Variants in SHC3 observed in about 807,000 individuals in gnomAD.
SHC3 encodes the protein SHC adaptor protein 3.
A neutral mutation model predicts 60.4 loss-of-function variants in SHC3; 15 were observed. The ratio of observed to expected loss-of-function variants is 0.25; its 90% CI spans 0.17 to 0.38. The LOEUF is 0.38. Among genes scored for constraint, SHC3 ranks in the 10% least tolerant of loss-of-function variants. The pLI, the probability that SHC3 is intolerant of heterozygous loss-of-function variation, is 1.00. For synonymous variants in SHC3, 294 were observed against 325.9 expected (o/e 0.90, Z 1.05); for missense variants, 677 against 786.1 (o/e 0.86, Z 1.66).
intron 7 of SHC3, among the ~76,000 whole-genome samples, chr9:89,049,038 G>C (rs949907429): frequency 3.9e-5 from 6 of 152,312 alleles, no homozygotes; most frequent in Admixed American, 1.3e-4. Flanking sequence ...GAGAGGGGCG[G>C]ATCACGAGGT....
chr9:89,037,986 T>G lies in SHC3; in HGVS notation c.1656+7A>C, dbSNP rs760328967. The G allele has an allele frequency of 1.5e-4, 238 of 1,603,102 alleles. No homozygotes were observed. Among genetic ancestry groups the G allele is most frequent in the Non-Finnish European group, 1.9e-4 (220 of 1,179,084 alleles). On this transcript the variant is annotated splice_region_variant and intron_variant, in intron 11 of 11. Transcript: ENST00000375835. ...CAGGTCCGGCCCCACCCCCACTGGG[T>G]GCTCACCGTGCCTTCTGGGTCCACG... is the stretch of plus-strand genomic sequence containing the variant.
At position 89,039,146 on chromosome 9, in the gene SHC3, C is replaced by T. The variant is rs144970182; in HGVS notation, c.1361-858G>A. 3.7e-3 allele frequency among the ~76,000 whole-genome samples: 563 copies of T among 152,346 alleles called. 3 individuals carry two copies. Among genetic ancestry groups the T allele is most frequent in the African/African-American group, 0.013 (524 of 41,574 alleles). ...GTAGTGCGATGGTTATTTCAGACTA[C>T]GCTGTCTACCCATAAGCATACACAT... On this transcript the variant is annotated intron_variant, in intron 10 of 11. Transcript: ENST00000375835.
chr9:89,026,303 CT>C (rs1826301141), intron 11 of SHC3, among the ~76,000 whole-genome samples: 1 of 151,008 alleles, frequency 6.6e-6, no homozygotes, highest in African/African-American at 2.4e-5. Flanking sequence ...CATCTACAGT[CT>C]TTTCTCTCTG....
rs1448052627 is a variant in SHC3, at chr9:89,178,641, A to T, written c.-181T>A. On this transcript the variant is annotated 5_prime_UTR_variant, in exon 1 of 12. Coordinates refer to ENST00000375835, the MANE Select transcript of SHC3 (RefSeq NM_016848.6). The surrounding 1 kb of genome is among the most constrained non-coding windows in gnomAD (Gnocchi z 6.9). Reference sequence around the variant, plus strand: ...TGGTGCCCTCCCACCGTTAAAAGCCAGCACAGCGGCGGCCGCGCAGCCCCG... The same window carrying T: ...TGGTGCCCTCCCACCGTTAAAAGCCTGCACAGCGGCGGCCGCGCAGCCCCG... The T allele has an allele frequency of 2.0e-6, 1 of 491,366 alleles. No homozygotes were observed. The allele number at this position is 491,366 out of a possible 1,614,324, so 30.4% of individuals were successfully genotyped here.
At chr9:89,118,696 C>G (rs1286222167) in intron 1 of SHC3, among the ~76,000 whole-genome samples, 1 of 150,864 alleles carries the variant, frequency 6.6e-6, no homozygotes, top group East Asian at 1.9e-4. Context: ...CTTTCAGCAC[C>G]AAATACATGA....
At chr9:89,045,855 CA>C (rs1824764044) in intron 8 of SHC3, 22 bp from the exon 9 acceptor site, 2 of 1,606,532 alleles carry the variant, frequency 1.2e-6, no homozygotes, top group Admixed American at 1.7e-5. Flanking sequence ...TGTAAATACA[CA>C]GAATGAAAAA....
chr9:89,079,106 A>T (rs2118021047), intron 2 of SHC3, among the ~76,000 whole-genome samples: 1 of 152,350 alleles, frequency 6.6e-6, no homozygotes, highest in African/African-American at 2.4e-5. Flanking sequence ...ATGCCAGGAA[A>T]ACCGTAGGCA....
At chr9:89,103,808 T>C (rs530568327) in intron 2 of SHC3, among the ~76,000 whole-genome samples, 2 of 152,296 alleles carry the variant, frequency 1.3e-5, no homozygotes, top group South Asian at 2.1e-4. Flanking sequence ...ACTTAAGTCA[T>C]GTGCACAAGG....
chr9:89,058,186 T>C (rs1039891748), intron 6 of SHC3, among the ~76,000 whole-genome samples: 5 of 152,252 alleles, frequency 3.3e-5, no homozygotes, highest in African/African-American at 1.2e-4. Flanking sequence ...AGGAAGACAA[T>C]GTAAAACAAA....
intron 1 of SHC3, among the ~76,000 whole-genome samples, chr9:89,150,021 C>A (rs1826523251): frequency 6.6e-6 from 1 of 152,084 alleles, no homozygotes; most frequent in African/African-American, 2.4e-5. Context: ...GTTCAAGGAA[C>A]CCTTATTTTA....
intron 1 of SHC3, among the ~76,000 whole-genome samples, chr9:89,120,927 A>G (rs1826083767): frequency 6.6e-6 from 1 of 151,844 alleles, no homozygotes; most frequent in African/African-American, 2.4e-5. Flanking sequence ...AATTATTTAA[A>G]AGAAATTTAT....
intron 2 of SHC3, among the ~76,000 whole-genome samples, chr9:89,089,991 C>T (rs1362052863): frequency 4.6e-5 from 7 of 152,190 alleles, no homozygotes; most frequent in African/African-American, 1.7e-4. Context: ...CTTTAAAAAC[C>T]ACCCATGCAC....
chr9:89,105,844 C>A (rs1439153129), intron 2 of SHC3, among the ~76,000 whole-genome samples: 1 of 152,108 alleles, frequency 6.6e-6, no homozygotes, highest in Non-Finnish European at 1.5e-5. Flanking sequence ...TTGCATCAAA[C>A]CAATCTTTCC....
At chr9:89,019,752 A>G (rs560995861) in intron 11 of SHC3, among the ~76,000 whole-genome samples, 1 of 152,362 alleles carries the variant, frequency 6.6e-6, no homozygotes, top group Admixed American at 6.5e-5. Flanking sequence ...GAAATCAAAG[A>G]AGAACTAAAT....
At chr9:89,078,466 G>T (rs568469394) in intron 2 of SHC3, among the ~76,000 whole-genome samples, 1 of 152,158 alleles carries the variant, frequency 6.6e-6, no homozygotes, top group Admixed American at 6.5e-5. Context: ...TAAAGAACCC[G>T]GCAGTGAGGT....
At chr9:89,134,357 A>G (rs998826659) in intron 1 of SHC3, among the ~76,000 whole-genome samples, 6 of 152,152 alleles carry the variant, frequency 3.9e-5, no homozygotes, top group African/African-American at 1.4e-4. Flanking sequence ...TTGTGTGAAC[A>G]TATTATCTAG....
chr9:89,071,496 A>G (rs1011910160), intron 4 of SHC3, among the ~76,000 whole-genome samples: 3 of 152,238 alleles, frequency 2.0e-5, no homozygotes, highest in Non-Finnish European at 4.4e-5. Flanking sequence ...TGTGGGAACT[A>G]TCGTCATCCC....
At position 89,013,473 on chromosome 9, in the gene SHC3, G is replaced by A. The variant is rs918214836; in HGVS notation, c.1759C>T (p.Gln587Ter). The part of the protein sequence containing the change: ...IVSAGSELCL[Q>*]QPVERKQ ...CACTGCTTCCTCTCCACTGGCTGCT[G>A]GAGACACAGCTCACTCCCTGCAGAG... Residue 587 changes from glutamine to a stop codon, truncating the protein, a stop_gained, in exon 12 of 12, where the codon CAG becomes TAG. Transcript: ENST00000375835. LOFTEE classifies it high-confidence loss of function. 6.2e-7 allele frequency: 1 copy of A among 1,613,484 alleles called. No homozygotes were observed. Among genetic ancestry groups the A allele is most frequent in the Non-Finnish European group, 8.5e-7 (1 of 1,179,768 alleles).
chr9:89,129,885 A>C lies in SHC3; in HGVS notation c.475-17259T>G, dbSNP rs560897003. ...AATAACCAGCTAACATCGTAGTGAC[A>C]GGATCAAATTCACACATAACAATAT... On this transcript the variant is annotated intron_variant, in intron 1 of 11. Transcript: ENST00000375835. 2.6e-5 allele frequency among the ~76,000 whole-genome samples: 4 copies of C among 152,216 alleles called. No homozygotes were observed. In the East Asian group the frequency reaches 5.8e-4, roughly 22 times the overall value.
Sources: allele counts gnomAD v4.1 joint callset (sites outside exome capture counted in the v4.1 genomes callset), GRCh38; gene constraint gnomAD v4.1.1; non-coding constraint Gnocchi (gnomAD v3.1); transcripts MANE v1.5; gene names NCBI Gene and HGNC (gene_info 2026-07-23, HGNC 2026-07-21).